The following HDAC9 variants were observed in gnomAD, a reference collection of about 807,000 sequenced individuals.
HDAC9 encodes the protein histone deacetylase 9, also known as MEF-2 interacting transcription repressor (MITR) protein.
HDAC9 carries 41 observed loss-of-function variants against 139.4 expected under a neutral mutation model. The ratio of observed to expected loss-of-function variants is 0.29; its 90% CI spans 0.23 to 0.38. The LOEUF (loss-of-function observed/expected upper bound fraction) is 0.38, where lower values mean the gene tolerates loss of function less well. Ranked by LOEUF, HDAC9 falls within the 10% of genes least tolerant of loss-of-function variation. The probability of loss-of-function intolerance (pLI) is 1.00; values close to 1 mark genes in which losing one functional copy is unlikely to be tolerated. For missense variants in HDAC9, 1,147 were observed against 1,297.0 expected, an observed-to-expected ratio of 0.88 and a Z score of 1.78; for synonymous variants, 517 against 476.2, an observed-to-expected ratio of 1.09 and a Z score of -1.12.
chr7:18,313,575 T>C (rs1799454182), intron 1 of HDAC9, among the ~76,000 whole-genome samples: 1 of 152,208 alleles, frequency 6.6e-6, no homozygotes. Context: ...TTTCATATCC[T>C]TGTCACCATG....
At chr7:18,404,871 T>C (rs1787863450) in intron 1 of HDAC9, among the ~76,000 whole-genome samples, 1 of 152,156 alleles carries the variant, frequency 6.6e-6, no homozygotes, top group African/African-American at 2.4e-5. Context: ...ACGATTATTG[T>C]TTATCTGATT....
chr7:18,804,747 C>A (rs1004562802), intron 17 of HDAC9, among the ~76,000 whole-genome samples: 6 of 152,118 alleles, frequency 3.9e-5, no homozygotes, highest in African/African-American at 1.4e-4. Context: ...TAATCCAGTT[C>A]ACATTACAAA....
At chr7:18,905,911 CTTTT>C (rs998312001) in intron 22 of HDAC9, among the ~76,000 whole-genome samples, 20 of 148,978 alleles carry the variant, frequency 1.3e-4, no homozygotes, top group African/African-American at 4.2e-4. Context: ...TCTTTTCTTT[CTTTT>C]CTTTCTCATC....
intron 1 of HDAC9, among the ~76,000 whole-genome samples, chr7:18,391,134 T>C (rs1324057690): frequency 3.9e-5 from 6 of 151,932 alleles, no homozygotes; most frequent in Non-Finnish European, 5.9e-5. Flanking sequence ...CCTGTAATCC[T>C]AGCACTTTGG....
At chr7:18,348,992 C>T (rs965602539) in intron 1 of HDAC9, among the ~76,000 whole-genome samples, 4 of 152,112 alleles carry the variant, frequency 2.6e-5, no homozygotes, top group African/African-American at 7.2e-5. Flanking sequence ...ATTTTAATAC[C>T]TGTATATCTG....
chr7:18,835,369 G>A, intron 19 of HDAC9, 98 bp from the exon 20 acceptor site: 1 of 1,276,830 alleles, frequency 7.8e-7, no homozygotes, highest in Non-Finnish European at 1.1e-6. Context: ...AAATGAGAAA[G>A]AAAGTGGTAG....
In HDAC9 at chr7:18,812,799, G is replaced by A. The variant is rs142635886; in HGVS notation, c.2323-16362G>A. Among the ~76,000 whole-genome samples, 667 of 151,812 alleles carry A rather than the reference G, an allele frequency of 4.4e-3. 7 individuals carry two copies. Among genetic ancestry groups the A allele is most frequent in the African/African-American group, 0.015 (617 of 41,426 alleles). The stretch of plus-strand genomic sequence containing the variant: ...TATTACATGTTTATTTCATCACTTC[G>A]GTATGGCCCACTGGACATTGAGGAC... On this transcript the variant is annotated intron_variant, in intron 17 of 25. Transcript: ENST00000686413.
intron 2 of HDAC9, among the ~76,000 whole-genome samples, chr7:18,516,255 C>G (rs1039390840): frequency 1.6e-4 from 24 of 152,086 alleles, no homozygotes; most frequent in African/African-American, 5.6e-4. Flanking sequence ...GCGTTGGTTT[C>G]TAAAATGAAA....
intron 21 of HDAC9, among the ~76,000 whole-genome samples, chr7:18,847,665 G>A (rs1197170407): frequency 1.3e-5 from 2 of 152,184 alleles, no homozygotes; most frequent in Non-Finnish European, 2.9e-5. Flanking sequence ...CCAGTTTGAA[G>A]CCAAGAAGCA....
intron 1 of HDAC9, among the ~76,000 whole-genome samples, chr7:18,153,668 T>C (rs1480888417): frequency 1.3e-5 from 2 of 152,164 alleles, no homozygotes; most frequent in Admixed American, 1.3e-4. Context: ...GATTTAGTTC[T>C]AGGAAGTCAG....
intron 2 of HDAC9, among the ~76,000 whole-genome samples, chr7:18,243,069 G>T (rs867476909): frequency 6.6e-6 from 1 of 152,118 alleles, no homozygotes; most frequent in African/African-American, 2.4e-5. Context: ...TTAGAGTCTT[G>T]TTGATTGCAG....
intron 2 of HDAC9, among the ~76,000 whole-genome samples, chr7:18,250,847 T>C (rs1410918248): frequency 5.3e-5 from 8 of 152,194 alleles, no homozygotes; most frequent in Non-Finnish European, 1.2e-4. Flanking sequence ...TCATTATGGT[T>C]TTGATTTGCA....
At chr7:18,431,401 A>G (rs74525938) in intron 1 of HDAC9, among the ~76,000 whole-genome samples, 4,639 of 152,290 alleles carry the variant, frequency 0.03, 198 homozygotes, top group African/African-American at 0.1. Context: ...AACGACTGCC[A>G]TAATGTAGTC....
At chr7:18,214,039 T>C (rs1792127111) in intron 2 of HDAC9, among the ~76,000 whole-genome samples, 1 of 152,036 alleles carries the variant, frequency 6.6e-6, no homozygotes, top group Non-Finnish European at 1.5e-5. Context: ...TAGCTACAGG[T>C]TTATTTACTC....
At chr7:18,120,644 C>G (rs947504740) in intron 1 of HDAC9, among the ~76,000 whole-genome samples, 1 of 151,968 alleles carries the variant, frequency 6.6e-6, no homozygotes, top group African/African-American at 2.4e-5. Flanking sequence ...TGGAGATTTT[C>G]AAAAAGTTGA....
chr7:18,489,216 C>T (rs1796191237), intron 1 of HDAC9, among the ~76,000 whole-genome samples: 1 of 151,860 alleles, frequency 6.6e-6, no homozygotes, highest in Non-Finnish European at 1.5e-5. Context: ...GCAAAATGAA[C>T]TATTTTTTCA....
intron 12 of HDAC9, among the ~76,000 whole-genome samples, chr7:18,700,847 G>A (rs1294515926): frequency 1.3e-5 from 2 of 152,142 alleles, no homozygotes; most frequent in African/African-American, 4.8e-5. Flanking sequence ...CAGCTGGCAA[G>A]CACTTTTTAA....
chr7:18,399,609 A>G (rs1022570203), intron 1 of HDAC9, among the ~76,000 whole-genome samples: 4 of 152,192 alleles, frequency 2.6e-5, no homozygotes, highest in Non-Finnish European at 5.9e-5. Context: ...CATTCAAATA[A>G]ATATGCAAGG....
chr7:18,869,223 G>C (rs1798729956), intron 21 of HDAC9, among the ~76,000 whole-genome samples: 1 of 149,038 alleles, frequency 6.7e-6, no homozygotes, highest in Admixed American at 6.7e-5. Context: ...GAGTTGTCTT[G>C]GTCCGGATCT....
Sources: allele counts gnomAD v4.1 joint callset (sites outside exome capture counted in the v4.1 genomes callset), GRCh38; gene constraint gnomAD v4.1.1; transcripts MANE v1.5; gene names NCBI Gene and HGNC (gene_info 2026-07-23, HGNC 2026-07-21).